GNAQ: variants seen among roughly 807,000 people sequenced by gnomAD.
The protein encoded by GNAQ is guanine nucleotide-binding protein G(q) subunit alpha.
A neutral mutation model predicts 43.9 loss-of-function variants in GNAQ; 8 were observed. The ratio of observed to expected loss-of-function variants is 0.18; its 90% confidence interval spans 0.11 to 0.33. The LOEUF is 0.33. GNAQ is among the 10% of genes least tolerant of loss of function. The pLI is 1.00. For missense variants in GNAQ, 158 were observed against 450.8 expected (o/e 0.35, Z 5.88); for synonymous variants, 155 against 170.7 (o/e 0.91, Z 0.71).
At chr9:77,819,795 A>C (rs866982889) in intron 2 of GNAQ, among the ~76,000 whole-genome samples, 4 of 150,422 alleles carry the variant, frequency 2.7e-5, no homozygotes, top group African/African-American at 4.9e-5. Context: ...AAAAAAAAAA[A>C]CCCTCAGCCT....
At chr9:77,778,492 A>T (rs1826339992) in intron 5 of GNAQ, among the ~76,000 whole-genome samples, 1 of 151,970 alleles carries the variant, frequency 6.6e-6, no homozygotes, top group African/African-American at 2.4e-5. Flanking sequence ...AAACCATAAG[A>T]GGCAGAAAGA....
intron 1 of GNAQ, among the ~76,000 whole-genome samples, chr9:77,979,622 T>C (rs1307614936): frequency 6.6e-6 from 1 of 152,104 alleles, no homozygotes; most frequent in African/African-American, 2.4e-5. Flanking sequence ...CCAGGGTGCA[T>C]GCCCAAGGGG....
rs116844305 is a variant in GNAQ, at chr9:77,740,681, A to G, written c.736-12014T>C. Among the ~76,000 whole-genome samples the G allele has an allele frequency of 5.5e-3, 835 of 152,264 alleles. 8 individuals carry two copies. Among genetic ancestry groups the G allele is most frequent in the Non-Finnish European group, 9.6e-3 (652 of 68,002 alleles). On this transcript the variant is annotated intron_variant, in intron 5 of 6. Transcript: ENST00000286548. ...ATAATTAATAGTTGGTTTTCTTTTT[A>G]GTCTTTTCATTTTCAGGAACAATAC...
intron 2 of GNAQ, among the ~76,000 whole-genome samples, chr9:77,899,878 A>G (rs1828572897): frequency 6.6e-6 from 1 of 152,218 alleles, no homozygotes. Context: ...AGCAAGAACA[A>G]AGACATGATC....
At chr9:78,022,366 T>C (rs1303914250) in intron 1 of GNAQ, among the ~76,000 whole-genome samples, 1 of 152,124 alleles carries the variant, frequency 6.6e-6, no homozygotes, top group African/African-American at 2.4e-5. Flanking sequence ...CAGGTTTTTA[T>C]AGAAAAAGCA....
At chr9:77,759,671 A>G (rs2118323530) in intron 5 of GNAQ, among the ~76,000 whole-genome samples, 1 of 152,268 alleles carries the variant, frequency 6.6e-6, no homozygotes, top group South Asian at 2.1e-4. Flanking sequence ...TACACCCTAG[A>G]TAACTTGTGA....
intron 3 of GNAQ, among the ~76,000 whole-genome samples, chr9:77,800,786 A>T (rs2118468341): frequency 6.6e-6 from 1 of 152,248 alleles, no homozygotes; most frequent in South Asian, 2.1e-4. Context: ...TCAGATAGCT[A>T]CTCTGTATGG....
chr9:77,983,906 C>T (rs962170176), intron 1 of GNAQ, among the ~76,000 whole-genome samples: 1 of 151,802 alleles, frequency 6.6e-6, no homozygotes, highest in African/African-American at 2.4e-5. Flanking sequence ...TTACCGAGAT[C>T]CTACTGTGTG....
chr9:77,914,694 A>C (rs1348556972), intron 2 of GNAQ, among the ~76,000 whole-genome samples: 1 of 152,080 alleles, frequency 6.6e-6, no homozygotes, highest in East Asian at 1.9e-4. Flanking sequence ...AAAACTCTCA[A>C]AGATTTATAG....
intron 5 of GNAQ, among the ~76,000 whole-genome samples, chr9:77,731,410 G>C (rs1335955096): frequency 6.6e-6 from 1 of 152,206 alleles, no homozygotes; most frequent in Non-Finnish European, 1.5e-5. Flanking sequence ...TCTGGAGGCA[G>C]GTCCTGCTGA....
chr9:77,744,028 A>G (rs1825694374), intron 5 of GNAQ, among the ~76,000 whole-genome samples: 1 of 152,220 alleles, frequency 6.6e-6, no homozygotes, highest in Non-Finnish European at 1.5e-5. Context: ...CATAGTCTAA[A>G]TTACCCTTAA....
At chr9:77,869,336 A>AC (rs1827999277) in intron 2 of GNAQ, among the ~76,000 whole-genome samples, 1 of 152,176 alleles carries the variant, frequency 6.6e-6, no homozygotes, top group Non-Finnish European at 1.5e-5. Context: ...ACTAGCCCCA[A>AC]CCTCAGTGCA....
intron 1 of GNAQ, among the ~76,000 whole-genome samples, 195 bp downstream of exon 1, chr9:78,030,887 CTGTGTGTGTGTGTGTGTG>C (rs35071779): frequency 4.8e-5 from 7 of 146,078 alleles, no homozygotes; most frequent in African/African-American, 1.5e-4. Flanking sequence ...GTGTGTGTCG[CTGTGTGTGTGTGTGTGTG>C]TGTGTGTGTG....
chr9:77,760,636 A>G (rs1382163465), intron 5 of GNAQ, among the ~76,000 whole-genome samples: 18 of 151,780 alleles, frequency 1.2e-4, no homozygotes, highest in Admixed American at 7.9e-4. Flanking sequence ...CACCCCGTCT[A>G]GGAAGTGAGG....
At chr9:77,869,528 T>C (rs547528017) in intron 2 of GNAQ, among the ~76,000 whole-genome samples, 1 of 152,358 alleles carries the variant, frequency 6.6e-6, no homozygotes, top group Admixed American at 6.5e-5. Context: ...TAAACAACCA[T>C]ATTTGCTATA....
At chr9:78,031,071 G>C in intron 1 of GNAQ, 29 bp downstream of exon 1, 2 of 1,422,470 alleles carry the variant, frequency 1.4e-6, no homozygotes, top group South Asian at 2.9e-5. Context: ...GGGGCGCAGA[G>C]GCCCGGCGGG....
intron 1 of GNAQ, among the ~76,000 whole-genome samples, chr9:78,015,693 GAATA>G (rs1222872680): frequency 2.0e-5 from 3 of 151,370 alleles, no homozygotes; most frequent in African/African-American, 7.3e-5. Flanking sequence ...AATGACCTCA[GAATA>G]AATAACTAAG....
rs942291134 is a variant in GNAQ at position 77,945,424 on chromosome 9, G to T, written c.137-23079C>A. Among the ~76,000 whole-genome samples the T allele has an allele frequency of 3.3e-5, 5 of 152,270 alleles. 1 individual carries two copies. In the South Asian group the frequency reaches 1.0e-3, roughly 32 times the overall value. ...AAATGTACTGCCTCAGGTTGTGTCTGTCTGGGTTATGATTACATGCAAAAC... is the reference window on the plus strand; with the variant it reads ...AAATGTACTGCCTCAGGTTGTGTCTTTCTGGGTTATGATTACATGCAAAAC... On this transcript the variant is annotated intron_variant, in intron 1 of 6. Coordinates refer to ENST00000286548, the MANE Select transcript of GNAQ (RefSeq NM_002072.5).
intron 1 of GNAQ, among the ~76,000 whole-genome samples, chr9:78,015,824 T>A (rs1185374063): frequency 6.6e-6 from 1 of 152,094 alleles, no homozygotes. Context: ...GAATGCTACA[T>A]AGGGACATGT....
Sources: gnomAD v4.1 joint callset for allele counts (sites outside exome capture counted in the v4.1 genomes callset) on GRCh38, gnomAD v4.1.1 for gene constraint, MANE v1.5 for transcripts, NCBI Gene and HGNC (gene_info 2026-07-23, HGNC 2026-07-21) for gene names.